NLGN1: variants seen among roughly 807,000 people sequenced by gnomAD.
NLGN1 encodes neuroligin-1.
NLGN1 carries 12 observed loss-of-function variants against 65.5 expected under a neutral mutation model. The ratio of observed to expected loss-of-function variants is 0.18; its 90% CI spans 0.12 to 0.30. The LOEUF is 0.30. Ranked by LOEUF, NLGN1 falls within the 10% of genes least tolerant of loss-of-function variation. NLGN1 has a pLI of 1.00. For synonymous variants in NLGN1, 350 were observed against 359.5 expected (o/e 0.97, Z 0.30); for missense variants, 750 against 1,007.1 (o/e 0.74, Z 3.46).
chr3:174,133,437 G>A (rs916152968), intron 4 of NLGN1, among the ~76,000 whole-genome samples: 1 of 152,132 alleles, frequency 6.6e-6, no homozygotes, highest in African/African-American at 2.4e-5. Context: ...TAAGTCTGGA[G>A]TCTAAGAAAT....
intron 4 of NLGN1, 106 bp downstream of exon 4, chr3:173,807,938 T>A: frequency 8.2e-7 from 1 of 1,216,246 alleles, no homozygotes; most frequent in South Asian, 1.3e-5. Flanking sequence ...CATTTTTTTA[T>A]GCGTGTTGAC....
At chr3:173,613,658 G>A (rs1451243568) in intron 3 of NLGN1, among the ~76,000 whole-genome samples, 2 of 151,966 alleles carry the variant, frequency 1.3e-5, no homozygotes, top group African/African-American at 4.8e-5. Context: ...TGTTACTTTA[G>A]GGAATTGAAC....
At chr3:173,640,833 G>A (rs1390734547) in intron 3 of NLGN1, among the ~76,000 whole-genome samples, 2 of 152,116 alleles carry the variant, frequency 1.3e-5, no homozygotes, top group Admixed American at 1.3e-4. Context: ...TCTTGTCATA[G>A]TTAGATCAGA....
At chr3:173,933,299 A>G (rs1744459835) in intron 4 of NLGN1, among the ~76,000 whole-genome samples, 1 of 152,124 alleles carries the variant, frequency 6.6e-6, no homozygotes, top group Admixed American at 6.6e-5. Flanking sequence ...TGTGGAGAGA[A>G]GGGCTGATTC....
At position 173,521,134 on chromosome 3, in the gene NLGN1, T is replaced by G. The variant is rs546934006; in HGVS notation, c.-320-83145T>G. 2.0e-5 allele frequency among the ~76,000 whole-genome samples: 3 copies of G among 152,324 alleles called. No homozygotes were observed. In the South Asian group the frequency reaches 6.2e-4, roughly 32 times the overall value. ...TATAAGATGCAAGAAATAATTCAGA[T>G]AGGGAGACTGTATATCTAGTATTTA... On this transcript the variant is annotated intron_variant, in intron 2 of 6. Coordinates refer to ENST00000457714, the Ensembl canonical transcript of NLGN1.
chr3:174,064,906 TAGTA>T lies in NLGN1; in HGVS notation c.647-210404_647-210401del, dbSNP rs1738191624. Reference sequence around the variant, plus strand: ...ATTAAGTACTATATATTAAGACACATAGTAAGTACTATATAAATGTTAGCTTCTA... The same window carrying T: ...ATTAAGTACTATATATTAAGACACATAGTACTATATAAATGTTAGCTTCTA... On this transcript the variant is annotated intron_variant, in intron 4 of 6. Transcript: ENST00000457714. 2.6e-5 allele frequency among the ~76,000 whole-genome samples: 4 copies of T among 151,060 alleles called. No individual in the cohort carries two copies. In the South Asian group the frequency reaches 8.4e-4, roughly 32 times the overall value.
chr3:174,023,235 T>C (rs1248726631), intron 4 of NLGN1, among the ~76,000 whole-genome samples: 1 of 152,128 alleles, frequency 6.6e-6, no homozygotes, highest in Non-Finnish European at 1.5e-5. Context: ...AACACCTCAC[T>C]TAGCTCGTGA....
chr3:173,552,965 A>C (rs1449903915), intron 2 of NLGN1, among the ~76,000 whole-genome samples: 1 of 152,184 alleles, frequency 6.6e-6, no homozygotes, highest in African/African-American at 2.4e-5. Context: ...GAGACATAAA[A>C]TCTTGCTAAA....
intron 4 of NLGN1, among the ~76,000 whole-genome samples, chr3:173,870,147 AATT>A (rs1350582255): frequency 6.6e-6 from 1 of 152,206 alleles, no homozygotes; most frequent in Non-Finnish European, 1.5e-5. Flanking sequence ...CAAATAATGT[AATT>A]ATTATACATG....
intron 4 of NLGN1, among the ~76,000 whole-genome samples, chr3:173,809,180 C>CTTCAAACA (rs1181918189): frequency 1.3e-5 from 2 of 152,112 alleles, no homozygotes; most frequent in Non-Finnish European, 2.9e-5. Context: ...TCATCCATTG[C>CTTCAAACA]TTCAAACATT....
At chr3:173,465,418 G>T (rs2148904144) in intron 2 of NLGN1, among the ~76,000 whole-genome samples, 1 of 152,252 alleles carries the variant, frequency 6.6e-6, no homozygotes, top group East Asian at 1.9e-4. Flanking sequence ...AATTATGGCA[G>T]CAAGGGGCAG....
At chr3:173,427,838 A>C (rs968963862) in intron 1 of NLGN1, among the ~76,000 whole-genome samples, 3 of 150,572 alleles carry the variant, frequency 2.0e-5, no homozygotes, top group Non-Finnish European at 3.0e-5. Flanking sequence ...TTTGGTCTGG[A>C]AACTCTATTT....
At chr3:173,600,163 A>T (rs903473542) in intron 2 of NLGN1, among the ~76,000 whole-genome samples, 6 of 142,684 alleles carry the variant, frequency 4.2e-5, no homozygotes, top group African/African-American at 1.6e-4. Flanking sequence ...ATATCTATGT[A>T]TGTGGGTATA....
At chr3:174,144,649 C>T (rs1722879689) in intron 4 of NLGN1, among the ~76,000 whole-genome samples, 1 of 152,148 alleles carries the variant, frequency 6.6e-6, no homozygotes, top group African/African-American at 2.4e-5. Flanking sequence ...TTTTGATTTG[C>T]ATTTCTCTAA....
chr3:173,963,875 G>T (rs1427657694), intron 4 of NLGN1, among the ~76,000 whole-genome samples: 1 of 152,268 alleles, frequency 6.6e-6, no homozygotes, highest in East Asian at 1.9e-4. Flanking sequence ...TAAATGGTAG[G>T]TGGGTAGGTG....
intron 3 of NLGN1, among the ~76,000 whole-genome samples, chr3:173,612,880 T>TTA (rs1339993724): frequency 6.6e-6 from 1 of 152,082 alleles, no homozygotes; most frequent in African/African-American, 2.4e-5. Flanking sequence ...TCTTTGTGTC[T>TTA]TATCAATGGC....
chr3:174,258,089 C>G (rs1158728433), intron 4 of NLGN1, among the ~76,000 whole-genome samples: 2 of 151,938 alleles, frequency 1.3e-5, no homozygotes, highest in Admixed American at 1.3e-4. Context: ...CCAAAGTCCC[C>G]TAACTACTAG....
At chr3:173,516,056 T>C (rs1391115648) in intron 2 of NLGN1, among the ~76,000 whole-genome samples, 1 of 152,120 alleles carries the variant, frequency 6.6e-6, no homozygotes, top group Admixed American at 6.5e-5. Context: ...ATTTATTTTT[T>C]TGACTGCTAC....
chr3:173,644,224 C>T (rs1191406772), intron 3 of NLGN1: 2 of 152,810 alleles, frequency 1.3e-5, no homozygotes, highest in South Asian at 2.1e-4. Flanking sequence ...CAGCCCCAGT[C>T]AGCACCTTGG....
Sources: gnomAD v4.1 joint callset for allele counts (sites outside exome capture counted in the v4.1 genomes callset) on GRCh38, gnomAD v4.1.1 for gene constraint, MANE v1.5 for transcripts, NCBI Gene and HGNC (gene_info 2026-07-23, HGNC 2026-07-21) for gene names.